HADH: variants seen among roughly 807,000 people sequenced by gnomAD.
HADH encodes the protein hydroxyacyl-coenzyme A dehydrogenase, mitochondrial.
Under a neutral mutation model 32.2 loss-of-function variants are expected in HADH, and 24 were observed. That is an observed-to-expected ratio of 0.75 (90% CI 0.54 to 1.05). HADH has a LOEUF of 1.05. Ranked by LOEUF, HADH falls within the 50% of genes least tolerant of loss-of-function variation. HADH has a pLI of 0.00. For missense variants in HADH, 350 were observed against 397.1 expected, an observed-to-expected ratio of 0.88 and a Z score of 1.01; for synonymous variants, 139 against 152.5, an observed-to-expected ratio of 0.91 and a Z score of 0.65.
chr4:108,032,838 C>A, intron 6 of HADH: 1 of 362,880 alleles, frequency 2.8e-6, no homozygotes, highest in Non-Finnish European at 5.3e-6. Flanking sequence ...AAATATTAGC[C>A]TTGTGTGGGG....
intron 1 of HADH, among the ~76,000 whole-genome samples, chr4:107,996,311 G>A (rs577823135): frequency 5.9e-5 from 9 of 152,094 alleles, no homozygotes; most frequent in South Asian, 2.1e-4. Context: ...TCCTCTACCC[G>A]GAAAGTGTCC....
At chr4:108,032,185 G>A in intron 6 of HADH, 1 of 532,220 alleles carries the variant, frequency 1.9e-6, no homozygotes, top group Non-Finnish European at 3.5e-6. Flanking sequence ...ATTCTAGATA[G>A]CCACCTGTTG....
intron 5 of HADH, chr4:108,026,789 C>T (rs989525061): frequency 5.3e-5 from 8 of 152,244 alleles, no homozygotes; most frequent in African/African-American, 1.4e-4. Flanking sequence ...TCAGGAAGAT[C>T]ACAGCCTTTT....
intron 2 of HADH, among the ~76,000 whole-genome samples, chr4:108,012,988 A>AG (rs1735551397): frequency 6.6e-6 from 1 of 152,154 alleles, no homozygotes; most frequent in South Asian, 2.1e-4. Flanking sequence ...GCTGGAGTGC[A>AG]GTTGCGCGAT....
intron 1 of HADH, among the ~76,000 whole-genome samples, chr4:107,998,182 G>T (rs1187133444): frequency 6.6e-6 from 1 of 152,214 alleles, no homozygotes; most frequent in Non-Finnish European, 1.5e-5. Context: ...TTTGGTAGGT[G>T]CTGTGGTACA....
intron 4 of HADH, 26 bp from the exon 5 acceptor site, chr4:108,023,448 C>T (rs768093827): frequency 7.0e-7 from 1 of 1,425,250 alleles, no homozygotes; most frequent in South Asian, 1.1e-5. Context: ...ACACTCTGGT[C>T]ATAATTCTCT....
At chr4:108,031,767 T>C (rs1736272207) in intron 6 of HADH, 1 of 152,266 alleles carries the variant, frequency 6.6e-6, no homozygotes, top group Admixed American at 6.5e-5. Context: ...CATTATGTCA[T>C]GAGTACCTTG....
chr4:108,016,709 T>C (rs997323585), intron 3 of HADH, among the ~76,000 whole-genome samples: 1 of 152,246 alleles, frequency 6.6e-6, no homozygotes, highest in Non-Finnish European at 1.5e-5. Flanking sequence ...GGCCTGGTGC[T>C]GACCCCCTCA....
chr4:108,027,564 A>C (rs1408991491), intron 5 of HADH, 124 bp from the exon 6 acceptor site: 2 of 751,174 alleles, frequency 2.7e-6, no homozygotes, highest in Non-Finnish European at 4.9e-6. Flanking sequence ...AATTTTGAAA[A>C]TGTACAGCTT....
In HADH at chr4:108,027,236, G is replaced by A. The variant is rs138660255; in HGVS notation, c.637-452G>A. ...AAAGGGAATTGGGAGGAAAGAGGAG[G>A]AATAAAGGGATGGGTGTAGGGCTGT... On this transcript the variant is annotated intron_variant, in intron 5 of 7. Transcript: ENST00000309522. 2.9e-3 allele frequency: 631 copies of A among 219,326 alleles called. 5 individuals carry two copies. The highest frequency in any genetic ancestry group is 7.8e-3 in the South Asian group (110 of 14,146). 13.6% of individuals were successfully genotyped at this position (219,326 alleles called of 1,614,324 possible).
intron 2 of HADH, among the ~76,000 whole-genome samples, chr4:108,012,982 G>A (rs563760042): frequency 1.3e-5 from 2 of 152,318 alleles, no homozygotes; most frequent in South Asian, 4.1e-4. Context: ...GCCAAGGCTG[G>A]AGTGCAGTTG....
rs146036912 is a variant in HADH at position 108,027,727 on chromosome 4, T to C, written c.676T>C (p.Tyr226His). 1.9e-4 allele frequency: 300 copies of C among 1,611,286 alleles called. No individual in the cohort carries two copies. The highest frequency in any genetic ancestry group is 2.4e-4 in the Non-Finnish European group (285 of 1,177,538). Reference sequence around the variant, plus strand: ...TATTGTGAACCGCCTCCTGGTTCCATACCTCATGGAAGCAATCAGGCTGTA... The same window carrying C: ...TATTGTGAACCGCCTCCTGGTTCCACACCTCATGGAAGCAATCAGGCTGTA... The part of the protein sequence containing the change: ...GFIVNRLLVP[Y>H]LMEAIRLYER... Residue 226 changes from tyrosine to histidine, a missense_variant, in exon 6 of 8, where the codon TAC becomes CAC. Coordinates refer to ENST00000309522, the MANE Select transcript of HADH (RefSeq NM_005327.7).
Position 108,023,480 on chromosome 4 carries a change from A to G in HADH, c.553A>G (p.Lys185Glu). The change falls in exon 5 of 8, where the codon AAA becomes GAA. Residue 185 changes from lysine to glutamate, a missense_variant. Lys to Glu is a moderately conservative substitution (Grantham distance 56). Coordinates refer to ENST00000309522, the MANE Select transcript of HADH (RefSeq NM_005327.7). ...CTCTGCTTTGCATTTCCAGGTCATTAAAACACCAATGACCAGCCAGAAGAC... is the reference window on the plus strand; with the variant it reads ...CTCTGCTTTGCATTTCCAGGTCATTGAAACACCAATGACCAGCCAGAAGAC... ...VPVMKLVEVI[K>E]TPMTSQKTFE... 1.2e-6 allele frequency: 2 copies of G among 1,601,642 alleles called. No individual in the cohort carries two copies. The highest frequency in any genetic ancestry group is 1.7e-6 in the Non-Finnish European group (2 of 1,168,536).
intron 5 of HADH, chr4:108,024,086 T>A (rs948452115): frequency 3.9e-5 from 6 of 155,358 alleles, no homozygotes; most frequent in Admixed American, 3.1e-4. Flanking sequence ...AGAAGCAGCA[T>A]GGTTTAGTGG....
chr4:107,992,662 A>G (rs1235608771), intron 1 of HADH, among the ~76,000 whole-genome samples: 1 of 152,190 alleles, frequency 6.6e-6, no homozygotes, highest in Non-Finnish European at 1.5e-5. Context: ...CTCATCTCTA[A>G]AGTAGACTAA....
Position 108,009,822 on chromosome 4 carries a change from T to A in HADH, c.196T>A (p.Ser66Thr), listed in dbSNP as rs761658165. ...CCAGACAGAGGACATCCTGGCAAAA[T>A]CCAAAAAGGGAATTGAGGAAAGCCT... is the stretch of plus-strand genomic sequence containing the variant. ...VDQTEDILAK[S>T]KKGIEESLRK... Residue 66 changes from serine to threonine, a missense_variant, in exon 2 of 8, where the codon TCC becomes ACC. By Grantham distance (58) the Ser-to-Thr change is moderately conservative. Coordinates refer to ENST00000309522, the MANE Select transcript of HADH (RefSeq NM_005327.7). The A allele has an allele frequency of 6.2e-7, 1 of 1,611,956 alleles. No individual in the cohort carries two copies. The highest frequency in any genetic ancestry group is 1.1e-5 in the South Asian group (1 of 91,042).
chr4:108,015,721 C>T (rs1735669428), intron 3 of HADH, among the ~76,000 whole-genome samples: 1 of 152,170 alleles, frequency 6.6e-6, no homozygotes, highest in African/African-American at 2.4e-5. Flanking sequence ...TGGAGGGGTC[C>T]ATCCAGGGAC....
chr4:108,032,736 A>G (rs981381227), intron 6 of HADH: 6 of 333,790 alleles, frequency 1.8e-5, no homozygotes, highest in Non-Finnish European at 3.4e-5. Flanking sequence ...TAATCTTAGC[A>G]CTTTGGGAAG....
intron 1 of HADH, among the ~76,000 whole-genome samples, chr4:108,006,954 A>G (rs185602453): frequency 6.3e-4 from 96 of 152,330 alleles, no homozygotes; most frequent in African/African-American, 2.2e-3. Context: ...TTCCTCATCT[A>G]TAAAATGGAT....
Sources: gnomAD v4.1 joint callset for allele counts (sites outside exome capture counted in the v4.1 genomes callset) on GRCh38, gnomAD v4.1.1 for gene constraint, MANE v1.5 for transcripts, NCBI Gene and HGNC (gene_info 2026-07-23, HGNC 2026-07-21) for gene names.